The following RBFOX1 variants were observed in gnomAD, a reference collection of about 807,000 sequenced individuals.
RBFOX1 encodes RNA binding fox-1 homolog 1.
In RBFOX1, 8 loss-of-function variants were observed where a neutral mutation model predicts 57.7. The observed-to-expected ratio is 0.14, with a 90% CI of 0.08 to 0.25. RBFOX1 has a LOEUF of 0.25. Ranked by LOEUF, RBFOX1 falls within the 10% of genes least tolerant of loss-of-function variation. The probability of loss-of-function intolerance (pLI) is 1.00; values close to 1 mark genes in which losing one functional copy is unlikely to be tolerated. For missense variants in RBFOX1, 611 were observed against 548.5 expected (o/e 1.11, Z -1.14); for synonymous variants, 326 against 222.4 (o/e 1.47, Z -4.15).
chr16:7,251,030 A>C (rs554657121), intron 4 of RBFOX1, among the ~76,000 whole-genome samples: 1 of 152,206 alleles, frequency 6.6e-6, no homozygotes, highest in South Asian at 2.1e-4. Flanking sequence ...CTTAAAATCT[A>C]CTCTTCCAGT....
intron 3 of RBFOX1, among the ~76,000 whole-genome samples, chr16:5,642,643 C>G (rs1248338727): frequency 2.0e-5 from 3 of 152,124 alleles, no homozygotes; most frequent in African/African-American, 4.8e-5. Flanking sequence ...GCCTCATGTC[C>G]TCACTGAATA....
chr16:5,711,301 A>G (rs1401830277), intron 3 of RBFOX1, among the ~76,000 whole-genome samples: 1 of 152,224 alleles, frequency 6.6e-6, no homozygotes, highest in Non-Finnish European at 1.5e-5. Context: ...CAGATAAGAA[A>G]ATGGAGGCAC....
chr16:5,383,499 C>G (rs547125488), intron 1 of RBFOX1, among the ~76,000 whole-genome samples: 1 of 152,190 alleles, frequency 6.6e-6, no homozygotes, highest in African/African-American at 2.4e-5. Flanking sequence ...ATGCAAAACA[C>G]TAGTTGAATC....
intron 1 of RBFOX1, among the ~76,000 whole-genome samples, chr16:5,326,222 A>G (rs770140299): frequency 2.0e-5 from 3 of 152,088 alleles, no homozygotes; most frequent in African/African-American, 4.8e-5. Context: ...CCCTCCTTCT[A>G]TAGGTGGGAT....
At chr16:6,756,574 A>G (rs1224628751) in intron 3 of RBFOX1, among the ~76,000 whole-genome samples, 1 of 152,200 alleles carries the variant, frequency 6.6e-6, no homozygotes, top group Non-Finnish European at 1.5e-5. Flanking sequence ...CAGTCAACTC[A>G]TATCCAGAAT....
intron 1 of RBFOX1, among the ~76,000 whole-genome samples, chr16:6,185,348 C>T (rs1466104954): frequency 6.6e-6 from 1 of 152,234 alleles, no homozygotes; most frequent in Admixed American, 6.5e-5. Context: ...AGGCTTCCCT[C>T]CTGCCCACCT....
intron 3 of RBFOX1, among the ~76,000 whole-genome samples, chr16:7,002,569 G>T (rs1275027258): frequency 1.3e-5 from 2 of 152,076 alleles, no homozygotes; most frequent in Non-Finnish European, 1.5e-5. Flanking sequence ...AAAATTTGCT[G>T]GGCGTGGTGG....
chr16:7,634,660 T>A (rs772938679), intron 11 of RBFOX1, among the ~76,000 whole-genome samples: 1 of 152,190 alleles, frequency 6.6e-6, no homozygotes. Flanking sequence ...GATAACTTTG[T>A]GTCCATACAA....
At chr16:6,847,425 C>G (rs981161791) in intron 3 of RBFOX1, among the ~76,000 whole-genome samples, 2 of 151,974 alleles carry the variant, frequency 1.3e-5, no homozygotes, top group African/African-American at 4.8e-5. Flanking sequence ...GTCTAGACTG[C>G]TTGGTGCTCT....
intron 1 of RBFOX1, among the ~76,000 whole-genome samples, chr16:5,374,489 A>C (rs922964025): frequency 6.6e-6 from 1 of 152,138 alleles, no homozygotes; most frequent in African/African-American, 2.4e-5. Flanking sequence ...AAAAGGATGG[A>C]GTGTATATGG....
At chr16:7,023,494 A>T (rs2039920252) in intron 3 of RBFOX1, among the ~76,000 whole-genome samples, 1 of 134,420 alleles carries the variant, frequency 7.4e-6, no homozygotes, top group Admixed American at 8.2e-5. Flanking sequence ...GATGGGCTTG[A>T]GTTGGGTGGA....
intron 1 of RBFOX1, among the ~76,000 whole-genome samples, chr16:6,152,253 A>G (rs910623692): frequency 5.9e-5 from 9 of 152,208 alleles, no homozygotes; most frequent in African/African-American, 2.2e-4. Flanking sequence ...TTATAGGAGG[A>G]AGAAGCTGAG....
At chr16:6,902,304 GCTACTCTTACTT>G (rs2068687751) in intron 3 of RBFOX1, among the ~76,000 whole-genome samples, 1 of 152,122 alleles carries the variant, frequency 6.6e-6, no homozygotes, top group South Asian at 2.1e-4. Context: ...GAAATGGAAA[GCTACTCTTACTT>G]GATATGGGTT....
At chr16:6,762,008 C>T (rs150554462) in intron 3 of RBFOX1, among the ~76,000 whole-genome samples, 1 of 152,146 alleles carries the variant, frequency 6.6e-6, no homozygotes, top group Non-Finnish European at 1.5e-5. Flanking sequence ...AGCTCGACAA[C>T]TCTACAGGTG....
At chr16:5,386,725 T>C (rs2066268930) in intron 1 of RBFOX1, among the ~76,000 whole-genome samples, 1 of 152,156 alleles carries the variant, frequency 6.6e-6, no homozygotes, top group African/African-American at 2.4e-5. Context: ...GCAGGAGTTG[T>C]TGCCTCTGTA....
intron 3 of RBFOX1, among the ~76,000 whole-genome samples, chr16:5,669,422 C>CTTTTTT (rs34318850): frequency 8.4e-6 from 1 of 118,510 alleles, no homozygotes; most frequent in Non-Finnish European, 1.7e-5. Flanking sequence ...AACAAGTTGG[C>CTTTTTT]TTTTTTTTTT....
intron 3 of RBFOX1, among the ~76,000 whole-genome samples, chr16:5,792,000 GC>G (rs1166195819): frequency 1.3e-5 from 2 of 152,110 alleles, no homozygotes; most frequent in Non-Finnish European, 2.9e-5. Context: ...GATGACTTTG[GC>G]AGGGCGCTGG....
At chr16:7,218,667 T>TGTGTGTGTGTC (rs2092464628) in intron 4 of RBFOX1, among the ~76,000 whole-genome samples, 1 of 148,096 alleles carries the variant, frequency 6.8e-6, no homozygotes, top group African/African-American at 2.5e-5. Context: ...TGTGTGTGTG[T>TGTGTGTGTGTC]GTGTGTGTGT....
chr16:6,311,533 C>T lies in RBFOX1; in HGVS notation c.-126-5462C>T, dbSNP rs140846005. ...GTCCTCACTGTGTGAAATGCCTACGCCTGATGGCAGGGAAAGGTGGTGCTT... is the reference window on the plus strand; with the variant it reads ...GTCCTCACTGTGTGAAATGCCTACGTCTGATGGCAGGGAAAGGTGGTGCTT... On this transcript the variant is annotated intron_variant, in intron 1 of 15. Transcript: ENST00000550418. Among the ~76,000 whole-genome samples, 14 of 152,224 alleles carry T rather than the reference C, an allele frequency of 9.2e-5. No individual in the cohort carries two copies. The East Asian group carries it at 1.9e-3, about 21-fold the overall frequency.
Sources: gnomAD v4.1 joint callset for allele counts (sites outside exome capture counted in the v4.1 genomes callset) on GRCh38, gnomAD v4.1.1 for gene constraint, MANE v1.5 for transcripts, NCBI Gene and HGNC (gene_info 2026-07-23, HGNC 2026-07-21) for gene names.